Variants in PSMD14 observed in about 807,000 individuals in gnomAD.
PSMD14 encodes the protein ubiquitin C-terminal hydrolase PSMD14.
In PSMD14, 7 loss-of-function variants were observed where a neutral mutation model predicts 41.2. That is an observed-to-expected ratio of 0.17 (90% CI 0.10 to 0.32). The LOEUF is 0.32. Ranked by LOEUF, PSMD14 falls within the 10% of genes least tolerant of loss-of-function variation. PSMD14 has a pLI of 1.00. For synonymous variants in PSMD14, 114 were observed against 122.3 expected, an observed-to-expected ratio of 0.93 and a Z score of 0.45; for missense variants, 139 against 375.6, an observed-to-expected ratio of 0.37 and a Z score of 5.21.
At chr2:161,318,949 A>G in intron 3 of PSMD14, 76 bp downstream of exon 3, 1 of 1,186,216 alleles carries the variant, frequency 8.4e-7, no homozygotes, top group South Asian at 1.4e-5. Flanking sequence ...AGAGAAAGAA[A>G]TTATCCCCAA....
intron 3 of PSMD14, among the ~76,000 whole-genome samples, chr2:161,338,163 C>T (rs1682895189): frequency 6.6e-6 from 1 of 152,144 alleles, no homozygotes; most frequent in African/African-American, 2.4e-5. Context: ...GATGAAGCAT[C>T]CCTAAGGTAG....
rs187445212 is a variant in PSMD14, at chr2:161,357,803, T to G, written c.49-9675T>G. On this transcript the variant is annotated intron_variant, in intron 3 of 11. Coordinates refer to ENST00000409682, the MANE Select transcript of PSMD14 (RefSeq NM_005805.6). ...TATTTTATGTAGCTTAAGTACCTCT[T>G]TAGTTATACTGGTGCCTTCGTTTAT... Among the ~76,000 whole-genome samples the G allele has an allele frequency of 5.2e-4, 79 of 152,272 alleles. No individual in the cohort carries two copies. In the South Asian group the frequency reaches 7.5e-3, roughly 14 times the overall value.
chr2:161,369,063 CTATT>C (rs1683397646), intron 5 of PSMD14, among the ~76,000 whole-genome samples: 1 of 151,784 alleles, frequency 6.6e-6, no homozygotes, highest in Non-Finnish European at 1.5e-5. Context: ...AAATCTTAGA[CTATT>C]TATTACTTGT....
At chr2:161,354,414 T>G (rs1683163597) in intron 3 of PSMD14, among the ~76,000 whole-genome samples, 1 of 152,052 alleles carries the variant, frequency 6.6e-6, no homozygotes. Context: ...CCTGGCTAAT[T>G]TTTGTAGTTT....
At chr2:161,380,901 A>G (rs151200341) in intron 7 of PSMD14, among the ~76,000 whole-genome samples, 81 of 152,112 alleles carry the variant, frequency 5.3e-4, no homozygotes, top group African/African-American at 1.9e-3. Context: ...CCCAGGTCAC[A>G]TGCACTCTTA....
chr2:161,384,799 T>C (rs1454781089), intron 7 of PSMD14: 1 of 151,834 alleles, frequency 6.6e-6, no homozygotes, highest in Non-Finnish European at 1.5e-5. Context: ...TTGTAATATC[T>C]TTACCATGAA....
intron 11 of PSMD14, among the ~76,000 whole-genome samples, chr2:161,410,935 T>C (rs62188138): frequency 0.16 from 23,839 of 152,034 alleles, 2,253 homozygotes; most frequent in East Asian, 0.3. Flanking sequence ...ATTCAAGATA[T>C]ATGAACGGTA....
chr2:161,356,600 A>G (rs1216202916), intron 3 of PSMD14, among the ~76,000 whole-genome samples: 1 of 152,128 alleles, frequency 6.6e-6, no homozygotes, highest in Non-Finnish European at 1.5e-5. Flanking sequence ...TTTAAAACAT[A>G]TAATCACCTT....
At chr2:161,383,309 G>A (rs533837596) in intron 7 of PSMD14, 2 of 152,158 alleles carry the variant, frequency 1.3e-5, no homozygotes, top group South Asian at 2.1e-4. Flanking sequence ...AGTTGCTATA[G>A]TGATGGCAGC....
At chr2:161,326,958 A>G (rs1314966992) in intron 3 of PSMD14, among the ~76,000 whole-genome samples, 2 of 151,740 alleles carry the variant, frequency 1.3e-5, no homozygotes, top group Non-Finnish European at 2.9e-5. Context: ...TTTTCTATCT[A>G]TGGTTGGTTG....
chr2:161,366,516 C>A (rs1049966119), intron 3 of PSMD14, among the ~76,000 whole-genome samples: 1 of 151,888 alleles, frequency 6.6e-6, no homozygotes, highest in African/African-American at 2.4e-5. Context: ...GAGAACATGG[C>A]TTACAATTTG....
intron 3 of PSMD14, among the ~76,000 whole-genome samples, chr2:161,348,415 C>T (rs975457778): frequency 1.3e-5 from 2 of 152,122 alleles, no homozygotes; most frequent in Admixed American, 1.3e-4. Context: ...AAACAGTCAG[C>T]TGGTTTGCCG....
At chr2:161,309,003 T>G (rs1689057660) in intron 1 of PSMD14, among the ~76,000 whole-genome samples, 1 of 152,228 alleles carries the variant, frequency 6.6e-6, no homozygotes, top group Non-Finnish European at 1.5e-5. Flanking sequence ...ACGTTTGTTT[T>G]ATCTCTTGTC....
intron 10 of PSMD14, among the ~76,000 whole-genome samples, chr2:161,402,800 A>T (rs1683897913): frequency 1.3e-5 from 2 of 152,230 alleles, no homozygotes; most frequent in Admixed American, 6.5e-5. Context: ...CCCAGAGAAG[A>T]TATGCAAATG....
At chr2:161,316,291 C>G (rs2105229633) in intron 1 of PSMD14, 146 bp from the exon 2 acceptor site, 1 of 152,320 alleles carries the variant, frequency 6.6e-6, no homozygotes, top group South Asian at 2.1e-4. Context: ...GGAGATCATT[C>G]TATACTCTCA....
intron 10 of PSMD14, among the ~76,000 whole-genome samples, chr2:161,405,277 A>G (rs1396181549): frequency 1.3e-5 from 2 of 152,106 alleles, no homozygotes; most frequent in Admixed American, 6.6e-5. Flanking sequence ...TTATACTCTC[A>G]TCCTGACTCT....
chr2:161,360,963 A>G (rs1559047109), intron 3 of PSMD14, among the ~76,000 whole-genome samples: 2 of 152,168 alleles, frequency 1.3e-5, no homozygotes, highest in African/African-American at 4.8e-5. Flanking sequence ...TGGGAAAACT[A>G]TTTTTTCAGG....
intron 9 of PSMD14, among the ~76,000 whole-genome samples, chr2:161,393,701 AT>A (rs963347812): frequency 6.6e-6 from 1 of 151,870 alleles, no homozygotes; most frequent in Non-Finnish European, 1.5e-5. Flanking sequence ...TATAGCCATC[AT>A]TTTTTTTCTT....
At chr2:161,331,644 A>G (rs773603023) in intron 3 of PSMD14, among the ~76,000 whole-genome samples, 36 of 152,294 alleles carry the variant, frequency 2.4e-4, no homozygotes, top group African/African-American at 8.4e-4. Context: ...TTGTAGTAAT[A>G]TAGGGAGACA....
Sources: gnomAD v4.1 joint callset for allele counts (sites outside exome capture counted in the v4.1 genomes callset) on GRCh38, gnomAD v4.1.1 for gene constraint, MANE v1.5 for transcripts, NCBI Gene and HGNC (gene_info 2026-07-23, HGNC 2026-07-21) for gene names.